Variants in ARL15 observed in about 807,000 individuals in gnomAD.
ARL15 encodes the protein ADP-ribosylation factor-like protein 15.
Under a neutral mutation model 25.2 loss-of-function variants are expected in ARL15, and 19 were observed. The ratio of observed to expected loss-of-function variants is 0.75; its 90% CI spans 0.53 to 1.10. ARL15 has a LOEUF of 1.10. Ranked by LOEUF, ARL15 falls within the 50% of genes least tolerant of loss-of-function variation. The probability of loss-of-function intolerance (pLI) is 0.00; values close to 1 mark genes in which losing one functional copy is unlikely to be tolerated. For missense variants in ARL15, 220 were observed against 246.0 expected (o/e 0.89, Z 0.71); for synonymous variants, 94 against 86.8 (o/e 1.08, Z -0.46).
In ARL15 at chr5:54,010,948, T is replaced by C. The variant is rs112527414; in HGVS notation, c.462+102254A>G. On this transcript the variant is annotated intron_variant, in intron 4 of 4. Coordinates refer to ENST00000504924, the MANE Select transcript of ARL15 (RefSeq NM_019087.3). ...CCGGGAGGCGGAGCTTGCAGTGAGC[T>C]GAGATCGCGCCACTGCACTCCAGCC... 6.5e-3 allele frequency among the ~76,000 whole-genome samples: 936 copies of C among 144,752 alleles called. 3 individuals are homozygous for C. The highest frequency in any genetic ancestry group is 0.012 in the Admixed American group (169 of 13,868). 95.0% of individuals were successfully genotyped at this position (144,752 alleles called of 152,430 possible). A position where few individuals can be genotyped will look rare whatever the true frequency, so the allele number is the denominator to read the frequency against.
At chr5:53,916,837 C>G (rs2112000728) in intron 4 of ARL15, among the ~76,000 whole-genome samples, 1 of 152,294 alleles carries the variant, frequency 6.6e-6, no homozygotes, top group South Asian at 2.1e-4. Context: ...GAAACTCTTT[C>G]AAACATCCCA....
At chr5:54,118,990 CATT>C (rs1239913299) in intron 3 of ARL15, among the ~76,000 whole-genome samples, 6 of 152,160 alleles carry the variant, frequency 3.9e-5, no homozygotes, top group African/African-American at 1.2e-4. Flanking sequence ...AATTTTACAT[CATT>C]ATCTTAGATG....
chr5:53,920,651 T>TAATAACTA (rs1554026548), intron 4 of ARL15, among the ~76,000 whole-genome samples: 5 of 141,160 alleles, frequency 3.5e-5, no homozygotes, highest in Admixed American at 7.1e-5. Flanking sequence ...TATTAAAAAA[T>TAATAACTA]AATAAATAAA....
At chr5:54,037,050 A>G (rs1750189980) in intron 4 of ARL15, among the ~76,000 whole-genome samples, 1 of 152,070 alleles carries the variant, frequency 6.6e-6, no homozygotes, top group South Asian at 2.1e-4. Flanking sequence ...TGTCTTATAC[A>G]GGTTTTTATT....
At chr5:53,927,833 G>A (rs1041979801) in intron 4 of ARL15, among the ~76,000 whole-genome samples, 14 of 152,164 alleles carry the variant, frequency 9.2e-5, no homozygotes, top group Admixed American at 4.6e-4. Flanking sequence ...GTAGGGAAGT[G>A]GTCTCTGGAC....
At position 53,961,456 on chromosome 5, in the gene ARL15, C is replaced by A. The variant is rs536663073; in HGVS notation, c.463-74743G>T. Among the ~76,000 whole-genome samples the A allele has an allele frequency of 2.3e-5, 3 of 128,502 alleles. No homozygotes were observed. The East Asian group carries it at 7.1e-4, about 30-fold the overall frequency. 84.3% of individuals were successfully genotyped at this position (128,502 alleles called of 152,430 possible). On this transcript the variant is annotated intron_variant, in intron 4 of 4. Coordinates refer to ENST00000504924, the MANE Select transcript of ARL15 (RefSeq NM_019087.3). ...GAGGTTGCAGTGAGCCAAGGTAGTACTATCGCACTCCAGTCTGGGTGACAG... is the reference window on the plus strand; with the variant it reads ...GAGGTTGCAGTGAGCCAAGGTAGTAATATCGCACTCCAGTCTGGGTGACAG...
intron 4 of ARL15, among the ~76,000 whole-genome samples, chr5:54,045,670 T>A (rs901929168): frequency 6.6e-6 from 1 of 150,918 alleles, no homozygotes; most frequent in African/African-American, 2.4e-5. Flanking sequence ...ATAGAGAGAG[T>A]GGGGCAGAGC....
intron 1 of ARL15, among the ~76,000 whole-genome samples, chr5:54,246,138 CT>C (rs11318745): frequency 0.63 from 93,167 of 147,506 alleles, 29,796 homozygotes; most frequent in Non-Finnish European, 0.71. Context: ...TCTTCACTCA[CT>C]TTTTTTTTTT....
intron 1 of ARL15, among the ~76,000 whole-genome samples, chr5:54,186,827 C>T (rs1456074103): frequency 1.3e-5 from 2 of 149,932 alleles, no homozygotes; most frequent in East Asian, 3.9e-4. Context: ...GGGCCTTATA[C>T]ATTTAACTAG....
At chr5:53,981,588 T>C (rs1428833795) in intron 4 of ARL15, among the ~76,000 whole-genome samples, 1 of 152,190 alleles carries the variant, frequency 6.6e-6, no homozygotes, top group Non-Finnish European at 1.5e-5. Flanking sequence ...ATTTGTGGTA[T>C]CTGCAAGAAC....
intron 1 of ARL15, among the ~76,000 whole-genome samples, chr5:54,215,219 T>G (rs1011057624): frequency 6.7e-6 from 1 of 149,076 alleles, no homozygotes; most frequent in Non-Finnish European, 1.5e-5. Flanking sequence ...TGTCTTAAAG[T>G]TTTTTTTTTT....
intron 4 of ARL15, among the ~76,000 whole-genome samples, chr5:53,988,455 C>A (rs1189494470): frequency 6.6e-6 from 1 of 151,832 alleles, no homozygotes; most frequent in Non-Finnish European, 1.5e-5. Flanking sequence ...TATTATAGTT[C>A]TTGACGCATA....
intron 4 of ARL15, among the ~76,000 whole-genome samples, chr5:54,008,877 G>A (rs1055314154): frequency 6.6e-6 from 1 of 152,120 alleles, no homozygotes; most frequent in African/African-American, 2.4e-5. Flanking sequence ...TTGCATCTCT[G>A]TTATCTATTC....
At chr5:54,158,057 T>C (rs950423242) in intron 2 of ARL15, among the ~76,000 whole-genome samples, 2 of 152,198 alleles carry the variant, frequency 1.3e-5, no homozygotes, top group Non-Finnish European at 2.9e-5. Context: ...GGGAAATTAT[T>C]AGACTTTTTT....
intron 1 of ARL15, among the ~76,000 whole-genome samples, chr5:54,271,381 G>A (rs1757778974): frequency 6.6e-6 from 1 of 152,128 alleles, no homozygotes; most frequent in Admixed American, 6.5e-5. Flanking sequence ...TATCGTATTT[G>A]CATATAACCT....
chr5:54,287,417 T>C (rs912282186), intron 1 of ARL15, among the ~76,000 whole-genome samples: 1 of 151,554 alleles, frequency 6.6e-6, no homozygotes, highest in African/African-American at 2.4e-5. Flanking sequence ...AGGAAAGACT[T>C]GGAAGCATCT....
chr5:54,189,376 G>C (rs1248702930), intron 1 of ARL15, among the ~76,000 whole-genome samples: 6 of 152,022 alleles, frequency 3.9e-5, no homozygotes, highest in Non-Finnish European at 8.8e-5. Context: ...TGGAGCTCCA[G>C]ACTTACACAT....
Position 54,028,511 on chromosome 5 carries a change from T to TAA in ARL15, c.462+84689_462+84690dup, listed in dbSNP as rs71598893. On this transcript the variant is annotated intron_variant, in intron 4 of 4. Transcript: ENST00000504924. The stretch of plus-strand genomic sequence containing the variant: ...GAGGGGAATCTTCTTTTTAGTAAAT[T>TAA]AAAAAAAAAAAAAAACCACAACTGA... Among the ~76,000 whole-genome samples, 625 of 145,014 alleles carry TAA rather than the reference T, an allele frequency of 4.3e-3. 1 individual carries two copies. The highest frequency in any genetic ancestry group is 0.011 in the Middle Eastern group (3 of 282).
chr5:54,305,403 G>C (rs1441936738), intron 1 of ARL15, among the ~76,000 whole-genome samples: 2 of 151,942 alleles, frequency 1.3e-5, no homozygotes, highest in Admixed American at 6.6e-5. Context: ...AGGAGGCTGA[G>C]ACAGGAGAAT....
Sources: allele counts gnomAD v4.1 joint callset (sites outside exome capture counted in the v4.1 genomes callset), GRCh38; gene constraint gnomAD v4.1.1; transcripts MANE v1.5; gene names NCBI Gene and HGNC (gene_info 2026-07-23, HGNC 2026-07-21).